RNF19A: variants seen among roughly 807,000 people sequenced by gnomAD.
The protein encoded by RNF19A is ring finger protein 19A, RBR E3 ubiquitin protein ligase.
Under a neutral mutation model 75.7 loss-of-function variants are expected in RNF19A, and 32 were observed. That is an observed-to-expected ratio of 0.42 (90% CI 0.32 to 0.57). The LOEUF (loss-of-function observed/expected upper bound fraction) is 0.57. Ranked by LOEUF, RNF19A falls within the 20% of genes least tolerant of loss-of-function variation. The pLI is 0.10. For missense variants in RNF19A, 782 were observed against 1,036.3 expected, an observed-to-expected ratio of 0.75 and a Z score of 3.37; for synonymous variants, 335 against 345.2, an observed-to-expected ratio of 0.97 and a Z score of 0.33.
In RNF19A at chr8:100,258,600, G is replaced by A; in HGVS notation, c.2473C>T (p.His825Tyr). The A allele has an allele frequency of 4.3e-6, 7 of 1,613,616 alleles. No individual in the cohort carries two copies. The highest frequency in any genetic ancestry group is 5.9e-6 in the Non-Finnish European group (7 of 1,179,816). ...GCAACTTTTAATTCCATTGTCTGAT[G>A]TGAGTGGTTGTTATTTGTTTCTTTT... ...ALKETNNNHSHQTMELKVAIQ... is the reference protein window; with the variant it reads ...ALKETNNNHSYQTMELKVAIQ... The change falls in exon 10 of 10, where the codon CAT (histidine) becomes TAT (tyrosine). Residue 825 changes from histidine (H) to tyrosine (Y), a missense_variant. This residue lies in a region of RNF19A where 442 missense variants were observed against 541.6 expected (regional missense o/e 0.82). Coordinates refer to ENST00000341084, the MANE Select transcript of RNF19A (RefSeq NM_183419.4). The surrounding 1 kb of genome is among the most constrained non-coding windows in gnomAD (Gnocchi z 4.3).
At chr8:100,278,354 C>T (rs1820622042) in intron 2 of RNF19A, among the ~76,000 whole-genome samples, 1 of 152,154 alleles carries the variant, frequency 6.6e-6, no homozygotes, top group South Asian at 2.1e-4. Flanking sequence ...TATCTGAATA[C>T]TCAAAATAAA....
In RNF19A at chr8:100,317,153, C is replaced by CG. The variant is rs1269140372; in HGVS notation, c.-242-3782dup. 8.5e-5 allele frequency among the ~76,000 whole-genome samples: 13 copies of CG among 152,350 alleles called. No homozygotes were observed. The East Asian group carries it at 2.5e-3, about 29-fold the overall frequency. On this transcript the variant is annotated intron_variant, in intron 1 of 3. Coordinates refer to the RNF19A transcript ENST00000519527. The surrounding 1 kb of genome is among the most constrained non-coding windows in gnomAD (Gnocchi z 4.3). Reference sequence around the variant, plus strand: ...CCGCACGCAGCCCAGCCCGGGTTCCCGCTCGCGCCTCTCCCTCCGCACCTC... The same window carrying CG: ...CCGCACGCAGCCCAGCCCGGGTTCCCGGCTCGCGCCTCTCCCTCCGCACCTC...
At chr8:100,312,973 A>G (rs1254793935), upstream of RNF19A, among the ~76,000 whole-genome samples, 1 of 152,200 alleles carries the variant, frequency 6.6e-6, no homozygotes, top group Non-Finnish European at 1.5e-5. Context: ...ACCTCTTTCC[A>G]GGTAATTGCA....
At chr8:100,282,518 TG>T (rs1820826017) in intron 2 of RNF19A, among the ~76,000 whole-genome samples, 1 of 151,688 alleles carries the variant, frequency 6.6e-6, no homozygotes, top group South Asian at 2.1e-4. Context: ...TCTTATAATA[TG>T]TTTATGTATG....
At chr8:100,307,101 G>A (rs896400570) in intron 1 of RNF19A, among the ~76,000 whole-genome samples, 1 of 152,128 alleles carries the variant, frequency 6.6e-6, no homozygotes, top group African/African-American at 2.4e-5. Context: ...TGCCCAAGGT[G>A]GCCTAATTTT....
chr8:100,317,134 GCAGCC>G lies in RNF19A; in HGVS notation c.-242-3767_-242-3763del, dbSNP rs1451269909. On this transcript the variant is annotated intron_variant, in intron 1 of 3. Coordinates refer to the RNF19A transcript ENST00000519527. The surrounding 1 kb of genome is among the most constrained non-coding windows in gnomAD (Gnocchi z 4.3). Reference sequence around the variant, plus strand: ...TCCAGCTGGCCCGCAAGCGCCGCACGCAGCCCAGCCCGGGTTCCCGCTCGCGCCTC... The same window carrying G: ...TCCAGCTGGCCCGCAAGCGCCGCACGCAGCCCGGGTTCCCGCTCGCGCCTC... Among the ~76,000 whole-genome samples, 1 of 152,232 alleles carries G rather than the reference GCAGCC, an allele frequency of 6.6e-6. No homozygotes were observed. Among genetic ancestry groups the G allele is most frequent in the African/African-American group, 2.4e-5 (1 of 41,462 alleles).
intron 1 of RNF19A, among the ~76,000 whole-genome samples, chr8:100,315,852 A>G (rs181163223): frequency 2.6e-4 from 40 of 152,318 alleles, no homozygotes; most frequent in Middle Eastern, 6.8e-3. Context: ...ATATCAGACT[A>G]ACAGACTCAT....
In RNF19A at chr8:100,258,646, A is replaced by G; in HGVS notation, c.2427T>C (p.Asp809=). The part of the protein sequence containing the change: ...HGNNGIKPNV[D]LYFGDALKET... Reference sequence around the variant, plus strand: ...CTTTTAGTGCATCGCCAAAATATAAATCAACATTAGGTTTTATTCCATTGT... The same window carrying G: ...CTTTTAGTGCATCGCCAAAATATAAGTCAACATTAGGTTTTATTCCATTGT... The change falls in exon 10 of 10, where the codon GAT becomes GAC. Residue 809 remains aspartate (D), a synonymous_variant. Coordinates refer to ENST00000341084, the MANE Select transcript of RNF19A (RefSeq NM_183419.4). The surrounding 1 kb of genome is among the most constrained non-coding windows in gnomAD (Gnocchi z 4.3). 6.2e-7 allele frequency: 1 copy of G among 1,614,126 alleles called. No individual in the cohort carries two copies. The highest frequency in any genetic ancestry group is 2.2e-5 in the East Asian group (1 of 44,878).
Position 100,330,748 on chromosome 8 carries a change from G to A in RNF19A, c.-243+5360C>T, listed in dbSNP as rs1308433195. ...GAAGCCAAAGTAGTCTGAACAATATGTTTGTCCTTTCAGTTTCTAACTTCT... is the reference window on the plus strand; with the variant it reads ...GAAGCCAAAGTAGTCTGAACAATATATTTGTCCTTTCAGTTTCTAACTTCT... On this transcript the variant is annotated intron_variant, in intron 1 of 3. Coordinates refer to the RNF19A transcript ENST00000519527. This position sits in a 1 kb window ranked among gnomAD's most constrained non-coding sequence, Gnocchi z 4.1. Among the ~76,000 whole-genome samples the A allele has an allele frequency of 2.6e-5, 4 of 152,180 alleles. No individual in the cohort carries two copies. The highest frequency in any genetic ancestry group is 1.9e-4 in the East Asian group (1 of 5,200).
Position 100,287,278 on chromosome 8 carries a change from T to TA in RNF19A, c.674+222dup, listed in dbSNP as rs1460801285. Reference sequence around the variant, plus strand: ...ACTCTACCACCTTACCCTTTCCTTCTAAAAGTGCTCAGTGAGTATGTAACG... The same window carrying TA: ...ACTCTACCACCTTACCCTTTCCTTCTAAAAAGTGCTCAGTGAGTATGTAACG... On this transcript the variant is annotated intron_variant, in intron 2 of 9. Coordinates refer to ENST00000341084, the MANE Select transcript of RNF19A (RefSeq NM_183419.4). The surrounding 1 kb of genome is among the most constrained non-coding windows in gnomAD (Gnocchi z 4.1). 7.2e-5 allele frequency among the ~76,000 whole-genome samples: 11 copies of TA among 152,260 alleles called. No homozygotes were observed. Among genetic ancestry groups the TA allele is most frequent in the African/African-American group, 2.6e-4 (11 of 41,548 alleles).
chr8:100,264,771 A>G lies in RNF19A; in HGVS notation c.1206T>C (p.Tyr402=), dbSNP rs779703203. 4 of 1,612,886 alleles carry G rather than the reference A, an allele frequency of 2.5e-6. No individual in the cohort carries two copies. The highest frequency in any genetic ancestry group is 2.5e-6 in the Non-Finnish European group (3 of 1,179,010). Residue 402 remains tyrosine (Y), a synonymous_variant, in exon 6 of 10, where the codon TAT becomes TAC. Transcript: ENST00000341084. This position sits in a 1 kb window ranked among gnomAD's most constrained non-coding sequence, Gnocchi z 4.7. ...VYVGRKIHNR[Y]EGKDVSKHKR... is the part of the protein sequence containing the mutation. ...TGTGCTTTGAAACATCCTTGCCTTC[A>G]TAGCGATTGTGAATCTTGAATTAAT...
chr8:100,275,885 T>C lies in RNF19A; in HGVS notation c.675-724A>G, dbSNP rs1033503313. ...TTATAAATTTTGTGATAATTTTGTA[T>C]GTATGCAGAAGTCACACATTTTTCT... On this transcript the variant is annotated intron_variant, in intron 2 of 9. Transcript: ENST00000341084. The surrounding 1 kb of genome is among the most constrained non-coding windows in gnomAD (Gnocchi z 4.3). Among the ~76,000 whole-genome samples, 2 of 152,310 alleles carry C rather than the reference T, an allele frequency of 1.3e-5. No individual in the cohort carries two copies. The highest frequency in any genetic ancestry group is 2.4e-5 in the African/African-American group (1 of 41,578).
In RNF19A at chr8:100,328,568, T is replaced by G. The variant is rs74511587; in HGVS notation, c.-243+7540A>C. Among the ~76,000 whole-genome samples the G allele has an allele frequency of 7.3e-4, 111 of 151,754 alleles. 1 individual carries two copies. The East Asian group carries it at 0.019, about 26-fold the overall frequency. ...CTCCCTGCAACCTCCACCTCCCGGG[T>G]TCAGGCGATTCTCTTGCCTCAGCTC... On this transcript the variant is annotated intron_variant, in intron 1 of 3. Transcript: ENST00000519527.
At position 100,325,527 on chromosome 8, in the gene RNF19A, T is replaced by C. The variant is rs1382190507; in HGVS notation, c.-243+10581A>G. 1.3e-5 allele frequency among the ~76,000 whole-genome samples: 2 copies of C among 152,134 alleles called. No individual in the cohort carries two copies. The highest frequency in any genetic ancestry group is 2.9e-5 in the Non-Finnish European group (2 of 68,016). ...ACCTCTGAACAAGACGTTTCAACTT[T>C]ATATGTACCCAGGAATTTGGATCTA... is the stretch of plus-strand genomic sequence containing the variant. On this transcript the variant is annotated intron_variant, in intron 1 of 3. Coordinates refer to the RNF19A transcript ENST00000519527. The surrounding 1 kb of genome is among the most constrained non-coding windows in gnomAD (Gnocchi z 4.3).
chr8:100,321,530 G>A (rs1442778333), intron 1 of RNF19A, among the ~76,000 whole-genome samples: 1 of 152,180 alleles, frequency 6.6e-6, no homozygotes, highest in African/African-American at 2.4e-5. Context: ...TCATGCATGA[G>A]AGTTGGAGTC....
At chr8:100,312,377 T>C (rs1252080621), upstream of RNF19A, 1 of 151,910 alleles carries the variant, frequency 6.6e-6, no homozygotes, top group Admixed American at 6.6e-5. Context: ...GCAGAGGTGG[T>C]TGGATCACTT....
In RNF19A at chr8:100,291,090, T is replaced by C. The variant is rs374675154; in HGVS notation, c.-93-2823A>G. ...GTATTGTATGTATAAAGAAGAGAACTTGGGAGTCAAAAGACCTGGCTCAGC... is the reference window on the plus strand; with the variant it reads ...GTATTGTATGTATAAAGAAGAGAACCTGGGAGTCAAAAGACCTGGCTCAGC... On this transcript the variant is annotated intron_variant, in intron 1 of 9. Transcript: ENST00000341084. Among the ~76,000 whole-genome samples, 7 of 152,222 alleles carry C rather than the reference T, an allele frequency of 4.6e-5. No individual in the cohort carries two copies. In the South Asian group the frequency reaches 8.3e-4, roughly 18 times the overall value.
Position 100,287,474 on chromosome 8 carries a change from A to G in RNF19A, c.674+27T>C. 6.5e-7 allele frequency: 1 copy of G among 1,542,620 alleles called. No individual in the cohort carries two copies. Among genetic ancestry groups the G allele is most frequent in the Non-Finnish European group, 8.7e-7 (1 of 1,147,744 alleles). On this transcript the variant is annotated intron_variant, in intron 2 of 9. Coordinates refer to ENST00000341084, the MANE Select transcript of RNF19A (RefSeq NM_183419.4). This position sits in a 1 kb window ranked among gnomAD's most constrained non-coding sequence, Gnocchi z 4.1. Reference sequence around the variant, plus strand: ...TATCCACAGAGAAAAAAATTAACTCAAGAAAAATCAAACATTATCTTCTTA... The same window carrying G: ...TATCCACAGAGAAAAAAATTAACTCGAGAAAAATCAAACATTATCTTCTTA...
At chr8:100,285,951 G>A (rs1240702169) in intron 2 of RNF19A, among the ~76,000 whole-genome samples, 1 of 151,958 alleles carries the variant, frequency 6.6e-6, no homozygotes, top group East Asian at 1.9e-4. Flanking sequence ...TCTTGCTATG[G>A]GAGTATTTGT....
Sources: allele counts gnomAD v4.1 joint callset (sites outside exome capture counted in the v4.1 genomes callset), GRCh38; gene constraint gnomAD v4.1.1; regional missense constraint gnomAD v4.1.1; non-coding constraint Gnocchi (gnomAD v3.1); transcripts MANE v1.5; gene names NCBI Gene and HGNC (gene_info 2026-07-23, HGNC 2026-07-21).